Variants in CACNA1C observed in about 807,000 individuals in gnomAD.
The protein encoded by CACNA1C is calcium voltage-gated channel subunit alpha1 C.
A neutral mutation model predicts 229.0 loss-of-function variants in CACNA1C; 30 were observed. That is an observed-to-expected ratio of 0.13 (90% CI 0.10 to 0.18). The LOEUF is 0.18. CACNA1C is among the 10% of genes least tolerant of loss of function. The pLI, the probability that CACNA1C is intolerant of heterozygous loss-of-function variation, is 1.00. For missense variants in CACNA1C, 1,658 were observed against 2,845.0 expected, an observed-to-expected ratio of 0.58 and a Z score of 9.49; for synonymous variants, 1,114 against 1,132.5, an observed-to-expected ratio of 0.98 and a Z score of 0.33.
At chr12:2,116,942 TAAAG>T (rs950872377) in intron 2 of CACNA1C, among the ~76,000 whole-genome samples, 23 of 152,194 alleles carry the variant, frequency 1.5e-4, no homozygotes, top group East Asian at 3.9e-4. Context: ...AGCCTAGAGA[TAAAG>T]AAAGTTTCTA....
At chr12:2,603,038 T>G (rs1429121315) in intron 22 of CACNA1C, among the ~76,000 whole-genome samples, 2 of 152,130 alleles carry the variant, frequency 1.3e-5, no homozygotes, top group Admixed American at 1.3e-4. Flanking sequence ...CAAGAGTGTT[T>G]TCATGGTTGG....
intron 3 of CACNA1C, among the ~76,000 whole-genome samples, chr12:2,353,957 C>T (rs368688244): frequency 4.6e-5 from 7 of 152,098 alleles, no homozygotes; most frequent in East Asian, 3.9e-4. Context: ...CAGGATGAGA[C>T]GCTAGTCATG....
chr12:2,255,500 C>T (rs77846365), intron 3 of CACNA1C, among the ~76,000 whole-genome samples: 1 of 152,132 alleles, frequency 6.6e-6, no homozygotes, highest in Non-Finnish European at 1.5e-5. Flanking sequence ...GTCCCTGGCA[C>T]AGCAAGAAGG....
intron 3 of CACNA1C, chr12:2,220,413 C>T (rs1226922051): frequency 2.0e-5 from 3 of 152,340 alleles, no homozygotes; most frequent in African/African-American, 7.2e-5. Context: ...CTCTGCCCTC[C>T]CATGAGACAG....
chr12:2,415,601 T>C (rs968444211), intron 3 of CACNA1C, among the ~76,000 whole-genome samples: 11 of 152,210 alleles, frequency 7.2e-5, no homozygotes, highest in Non-Finnish European at 1.6e-4. Flanking sequence ...ACTCTGTGGC[T>C]GCCGCTCTCC....
At chr12:2,311,698 G>A (rs994133107) in intron 3 of CACNA1C, among the ~76,000 whole-genome samples, 7 of 152,156 alleles carry the variant, frequency 4.6e-5, no homozygotes, top group African/African-American at 1.7e-4. Context: ...AACACGAATG[G>A]CCACATTCAT....
At chr12:2,394,394 C>G (rs1314210369) in intron 3 of CACNA1C, among the ~76,000 whole-genome samples, 1 of 152,188 alleles carries the variant, frequency 6.6e-6, no homozygotes, top group African/African-American at 2.4e-5. Flanking sequence ...TTTCTTCATG[C>G]TTGATTTTCA....
Position 2,692,320 on chromosome 12 carries a change from A to C in CACNA1C, c.*1121A>C, listed in dbSNP as rs1259591610. The C allele has an allele frequency of 6.6e-6, 1 of 152,270 alleles. No individual in the cohort carries two copies. The highest frequency in any genetic ancestry group is 1.5e-5 in the Non-Finnish European group (1 of 68,080). 9.4% of individuals were successfully genotyped at this position (152,270 alleles called of 1,614,324 possible). A position where few individuals can be genotyped will look rare whatever the true frequency, so the allele number is the denominator to read the frequency against. ...TTGGGTTCCTTTTTATGCTGGGTGT[A>C]CAGGTGGGTTTGGGAGAGAGGAGCA... On this transcript the variant is annotated 3_prime_UTR_variant, in exon 47 of 47. Coordinates refer to ENST00000399655, the MANE Select transcript of CACNA1C (RefSeq NM_000719.7).
At position 2,022,673 on chromosome 12, in the gene CACNA1C, G is replaced by A. The variant is rs147026724; in HGVS notation, c.139+51472G>A. On this transcript the variant is annotated intron_variant, in intron 1 of 46. Coordinates refer to the CACNA1C transcript ENST00000682462. ...TTGTCCAGTCTGGTCTCAAACTCCT[G>A]GGCTCAAATGATCCTCCCGCCTCAG... Among the ~76,000 whole-genome samples the A allele has an allele frequency of 4.3e-3, 658 of 152,026 alleles. 3 individuals carry two copies. The highest frequency in any genetic ancestry group is 0.015 in the African/African-American group (632 of 41,474).
chr12:2,256,885 G>A (rs2078116280), intron 3 of CACNA1C, among the ~76,000 whole-genome samples: 1 of 152,178 alleles, frequency 6.6e-6, no homozygotes, highest in Non-Finnish European at 1.5e-5. Context: ...TTTTAAAATA[G>A]TAAATGGATT....
intron 1 of CACNA1C, among the ~76,000 whole-genome samples, chr12:2,063,292 C>T (rs939193679): frequency 1.3e-5 from 2 of 152,100 alleles, no homozygotes; most frequent in East Asian, 1.9e-4. Flanking sequence ...GCTGGGACTA[C>T]AGGCACCCAC....
intron 30 of CACNA1C, among the ~76,000 whole-genome samples, chr12:2,638,365 A>T (rs1170586657): frequency 6.6e-6 from 1 of 152,108 alleles, no homozygotes; most frequent in Non-Finnish European, 1.5e-5. Context: ...AAGAGGTAGC[A>T]GGGCAGGAGG....
intron 3 of CACNA1C, among the ~76,000 whole-genome samples, chr12:2,420,478 A>G (rs2098967691): frequency 6.6e-6 from 1 of 152,188 alleles, no homozygotes; most frequent in South Asian, 2.1e-4. Flanking sequence ...TTCTCCCTGC[A>G]TGCTGTAACT....
At chr12:2,468,753 G>A (rs1050187269) in intron 5 of CACNA1C, among the ~76,000 whole-genome samples, 3 of 152,250 alleles carry the variant, frequency 2.0e-5, no homozygotes, top group Admixed American at 6.5e-5. Flanking sequence ...GTGATGGGGT[G>A]GGAGGCACTC....
In CACNA1C at chr12:2,578,035, ATT is replaced by A. The variant is rs543600146; in HGVS notation, c.1896-3550_1896-3549del. On this transcript the variant is annotated intron_variant, in intron 13 of 46. Transcript: ENST00000399655. ...AGGCGCCCGCTACCACACCCGGCTA[ATT>A]TTTTGTATTTTTAGTAGAGACGGGG... is the stretch of plus-strand genomic sequence containing the variant. Among the ~76,000 whole-genome samples the A allele has an allele frequency of 2.6e-3, 393 of 151,226 alleles. 4 individuals carry two copies. The highest frequency in any genetic ancestry group is 9.1e-3 in the African/African-American group (374 of 41,144).
chr12:2,122,421 G>A (rs1032047179), intron 3 of CACNA1C, among the ~76,000 whole-genome samples: 1 of 152,152 alleles, frequency 6.6e-6, no homozygotes, highest in African/African-American at 2.4e-5. Context: ...AAGGTGGGGG[G>A]TGGCATCAGA....
At chr12:2,086,832 A>C (rs1441839308) in intron 1 of CACNA1C, among the ~76,000 whole-genome samples, 1 of 152,180 alleles carries the variant, frequency 6.6e-6, no homozygotes, top group Non-Finnish European at 1.5e-5. Context: ...TGCACATTTC[A>C]CTGGCCAGAA....
intron 3 of CACNA1C, among the ~76,000 whole-genome samples, chr12:2,414,067 G>A (rs2098837899): frequency 7.6e-6 from 1 of 132,030 alleles, no homozygotes; most frequent in East Asian, 2.2e-4. Flanking sequence ...GAGTAAGACT[G>A]GCCCAAGTCC....
At chr12:2,402,719 T>C (rs2098693514) in intron 3 of CACNA1C, among the ~76,000 whole-genome samples, 2 of 152,172 alleles carry the variant, frequency 1.3e-5, no homozygotes, top group South Asian at 4.1e-4. Flanking sequence ...CCATTCAGCT[T>C]TCATCCTCCG....
Sources: gnomAD v4.1 joint callset for allele counts (sites outside exome capture counted in the v4.1 genomes callset) on GRCh38, gnomAD v4.1.1 for gene constraint, MANE v1.5 for transcripts, NCBI Gene and HGNC (gene_info 2026-07-23, HGNC 2026-07-21) for gene names.